Variants in CEP350 observed in about 807,000 individuals in gnomAD.
CEP350 encodes centrosome-associated protein 350.
Under a neutral mutation model 331.8 loss-of-function variants are expected in CEP350, and 126 were observed. The ratio of observed to expected loss-of-function variants is 0.38; its 90% confidence interval spans 0.33 to 0.44. CEP350 has a LOEUF of 0.44. CEP350 is among the 20% of genes least tolerant of loss of function. The pLI, the probability that CEP350 is intolerant of heterozygous loss-of-function variation, is 1.00. For synonymous variants in CEP350, 1,200 were observed against 1,259.5 expected (o/e 0.95, Z 1.00); for missense variants, 3,406 against 3,634.6 (o/e 0.94, Z 1.62).
chr1:180,056,395 G>A (rs1187587932), intron 25 of CEP350, among the ~76,000 whole-genome samples: 1 of 150,598 alleles, frequency 6.6e-6, no homozygotes, highest in Non-Finnish European at 1.5e-5. Context: ...GATTTGCTGA[G>A]CTTCTTGTAT....
At chr1:179,967,603 G>A (rs959198431) in intron 1 of CEP350, among the ~76,000 whole-genome samples, 9 of 152,086 alleles carry the variant, frequency 5.9e-5, no homozygotes, top group African/African-American at 2.2e-4. Flanking sequence ...ATAGAGATGG[G>A]GTTTCACCAT....
At chr1:180,019,895 A>C in intron 11 of CEP350, 54 bp from the exon 12 acceptor site, 3 of 1,496,040 alleles carry the variant, frequency 2.0e-6, no homozygotes, top group Non-Finnish European at 2.7e-6. Flanking sequence ...TAAAAAAAAA[A>C]CTTTTTTAAA....
intron 36 of CEP350, among the ~76,000 whole-genome samples, chr1:180,097,423 A>G (rs1206849283): frequency 6.6e-6 from 1 of 152,212 alleles, no homozygotes; most frequent in Non-Finnish European, 1.5e-5. Context: ...ACAATTGAAA[A>G]TGCTTGAATG....
At chr1:179,967,100 A>G (rs937744892) in intron 1 of CEP350, among the ~76,000 whole-genome samples, 10 of 152,248 alleles carry the variant, frequency 6.6e-5, no homozygotes, top group African/African-American at 2.4e-4. Context: ...ACTATACTTT[A>G]TACAATAGAT....
At chr1:180,046,277 A>C (rs1008205057) in intron 21 of CEP350, among the ~76,000 whole-genome samples, 2 of 152,184 alleles carry the variant, frequency 1.3e-5, no homozygotes, top group Non-Finnish European at 2.9e-5. Flanking sequence ...TCTGTTTCCT[A>C]TCTCCGTTCT....
At chr1:180,041,863 A>C in intron 19 of CEP350, 61 bp downstream of exon 19, 1 of 1,455,468 alleles carries the variant, frequency 6.9e-7, no homozygotes, top group Non-Finnish European at 9.4e-7. Context: ...AGTAACTTTG[A>C]TCTTCAGTAA....
rs990383571 is a variant in CEP350, at chr1:180,031,332, T to A, written c.3563T>A (p.Phe1188Tyr). ...KKEKTEWLDS[F>Y]TGNVQNSLLD... ...ATTTACTTTACAGGGTTGGATTCAT[T>A]CACTGGAAATGTTCAGAACTCACTT... Residue 1188 changes from phenylalanine (F) to tyrosine (Y), a missense_variant, in exon 15 of 38, where the codon TTC (phenylalanine) becomes TAC (tyrosine). Transcript: ENST00000367607. 6.2e-7 allele frequency: 1 copy of A among 1,602,402 alleles called. No homozygotes were observed. The highest frequency in any genetic ancestry group is 8.5e-7 in the Non-Finnish European group (1 of 1,171,892).
chr1:180,070,157 A>G (rs146322512), intron 27 of CEP350, among the ~76,000 whole-genome samples: 36 of 152,328 alleles, frequency 2.4e-4, no homozygotes, highest in African/African-American at 7.7e-4. Context: ...TGGTATTCCA[A>G]TGGAGAAACA....
intron 1 of CEP350, chr1:179,969,351 C>G: frequency 1.9e-6 from 1 of 514,652 alleles, no homozygotes; most frequent in Non-Finnish European, 3.9e-6. Context: ...GAGTTTAACA[C>G]TACTCAGCCT....
chr1:180,033,136 C>T lies in CEP350; in HGVS notation c.3726-726C>T, dbSNP rs192551748. ...ATAGAGTATCTTTGAATAATTTATTCAGTAAATAAATATTCAGTGCAAGGC... is the reference window on the plus strand; with the variant it reads ...ATAGAGTATCTTTGAATAATTTATTTAGTAAATAAATATTCAGTGCAAGGC... On this transcript the variant is annotated intron_variant, in intron 15 of 37. Coordinates refer to ENST00000367607, the MANE Select transcript of CEP350 (RefSeq NM_014810.5). Among the ~76,000 whole-genome samples the T allele has an allele frequency of 2.0e-5, 3 of 152,122 alleles. No individual in the cohort carries two copies. The East Asian group carries it at 5.8e-4, about 29-fold the overall frequency.
At chr1:179,978,946 T>C (rs1177304115) in intron 1 of CEP350, among the ~76,000 whole-genome samples, 2 of 152,120 alleles carry the variant, frequency 1.3e-5, no homozygotes, top group African/African-American at 4.8e-5. Flanking sequence ...TATAGTTCCA[T>C]ATTTTCTTCA....
At chr1:180,088,220 C>T (rs1273045216) in intron 32 of CEP350, among the ~76,000 whole-genome samples, 2 of 151,918 alleles carry the variant, frequency 1.3e-5, no homozygotes, top group Non-Finnish European at 2.9e-5. Context: ...CAGTAAATGA[C>T]GGTTCTCTGC....
At chr1:180,078,918 G>C (rs935201059) in intron 29 of CEP350, among the ~76,000 whole-genome samples, 1 of 152,114 alleles carries the variant, frequency 6.6e-6, no homozygotes, top group African/African-American at 2.4e-5. Flanking sequence ...AACTTCTAAA[G>C]TCTTTATGAA....
At chr1:180,074,580 T>G (rs943827833) in intron 27 of CEP350, among the ~76,000 whole-genome samples, 1 of 152,224 alleles carries the variant, frequency 6.6e-6, no homozygotes, top group Non-Finnish European at 1.5e-5. Flanking sequence ...TTGCTTGTTT[T>G]GGGGCTTTGG....
chr1:179,979,963 G>C (rs779719992), intron 1 of CEP350, among the ~76,000 whole-genome samples: 1 of 152,074 alleles, frequency 6.6e-6, no homozygotes, highest in Non-Finnish European at 1.5e-5. Context: ...AAATCTGGTA[G>C]TGTGATGCCA....
intron 27 of CEP350, among the ~76,000 whole-genome samples, chr1:180,067,616 G>C: frequency 6.6e-6 from 1 of 152,200 alleles, no homozygotes; most frequent in East Asian, 1.9e-4. Flanking sequence ...TTGAACCTGG[G>C]AGGGGGAGGT....
chr1:180,042,967 ATCTTTCTTTCC>A, intron 19 of CEP350, 78 bp from the exon 20 acceptor site: 1 of 1,420,880 alleles, frequency 7.0e-7, no homozygotes, highest in Non-Finnish European at 9.5e-7. Context: ...CAAGTCAGTG[ATCTTTCTTTCC>A]AAGACACTAT....
rs775126400 is a variant in CEP350 at position 180,096,113 on chromosome 1, A to G, written c.8995A>G (p.Met2999Val). 1 of 1,563,164 alleles carries G rather than the reference A, an allele frequency of 6.4e-7. No individual in the cohort carries two copies. Among genetic ancestry groups the G allele is most frequent in the Non-Finnish European group, 8.7e-7 (1 of 1,152,000 alleles). The change falls in exon 36 of 38, where the codon ATG becomes GTG. Residue 2999 changes from methionine (M) to valine (V), a missense_variant. By Grantham distance (21) the Met-to-Val change is conservative. Coordinates refer to ENST00000367607, the MANE Select transcript of CEP350 (RefSeq NM_014810.5). ...EDPNLNQPVW[M>V]KPCRINSSYF... ...TCCCAACTTAAATCAACCTGTCTGG[A>G]TGAAGCCATGTAGAATCAACTCTAG...
At chr1:179,984,870 A>G (rs1417090869) in intron 1 of CEP350, among the ~76,000 whole-genome samples, 1 of 152,150 alleles carries the variant, frequency 6.6e-6, no homozygotes, top group African/African-American at 2.4e-5. Flanking sequence ...GATTTTTATA[A>G]AAGACTAGTT....
Sources: gnomAD v4.1 joint callset for allele counts (sites outside exome capture counted in the v4.1 genomes callset) on GRCh38, gnomAD v4.1.1 for gene constraint, MANE v1.5 for transcripts, NCBI Gene and HGNC (gene_info 2026-07-23, HGNC 2026-07-21) for gene names.